The following SLC35F1 variants were observed in gnomAD, a reference collection of about 807,000 sequenced individuals.
SLC35F1 encodes the protein solute carrier family 35 member F1.
A neutral mutation model predicts 48.7 loss-of-function variants in SLC35F1; 14 were observed. The ratio of observed to expected loss-of-function variants is 0.29; its 90% confidence interval spans 0.19 to 0.45. The LOEUF (loss-of-function observed/expected upper bound fraction) is 0.45, where lower values mean the gene tolerates loss of function less well. Ranked by LOEUF, SLC35F1 falls within the 20% of genes least tolerant of loss-of-function variation. The pLI is 1.00. For missense variants in SLC35F1, 404 were observed against 500.0 expected (o/e 0.81, Z 1.83); for synonymous variants, 190 against 202.2 (o/e 0.94, Z 0.51).
chr6:118,007,415 C>G (rs1375343993), intron 1 of SLC35F1, among the ~76,000 whole-genome samples: 3 of 152,122 alleles, frequency 2.0e-5, no homozygotes, highest in Non-Finnish European at 4.4e-5. Flanking sequence ...GGACATTGTG[C>G]TAGGCAATGG....
chr6:117,933,866 G>C (rs1029374893), intron 1 of SLC35F1, among the ~76,000 whole-genome samples: 3 of 152,034 alleles, frequency 2.0e-5, no homozygotes, highest in Admixed American at 1.3e-4. Flanking sequence ...AGAACGTAGA[G>C]CTCAGTGCTC....
rs1775705487 is a variant in SLC35F1, at chr6:117,907,619, C to A, written c.-108C>A. ...CCGCTTCGCAGGCAGCACCGCCTCC[C>A]GGGCCGCGGCCGCCCGGCCGGGTCC... On this transcript the variant is annotated 5_prime_UTR_variant, in exon 1 of 8. Transcript: ENST00000360388. 22 of 586,568 alleles carry A rather than the reference C, an allele frequency of 3.8e-5. No homozygotes were observed. The South Asian group carries it at 7.8e-4, about 21-fold the overall frequency. 36.3% of individuals were successfully genotyped at this position (586,568 alleles called of 1,614,324 possible). A position where few individuals can be genotyped will look rare whatever the true frequency, so the allele number is the denominator to read the frequency against.
chr6:117,923,742 T>C (rs1360171556), intron 1 of SLC35F1, among the ~76,000 whole-genome samples: 2 of 61,858 alleles, frequency 3.2e-5, no homozygotes, highest in Non-Finnish European at 7.2e-5. Flanking sequence ...TATATATACA[T>C]ATATGTACAT....
intron 1 of SLC35F1, among the ~76,000 whole-genome samples, chr6:118,069,551 C>A (rs1287456117): frequency 6.6e-6 from 1 of 152,112 alleles, no homozygotes; most frequent in Non-Finnish European, 1.5e-5. Flanking sequence ...TTTCTCAAAG[C>A]TCTTGCTTAC....
At chr6:117,948,942 A>T (rs2114825548) in intron 1 of SLC35F1, among the ~76,000 whole-genome samples, 2 of 152,274 alleles carry the variant, frequency 1.3e-5, no homozygotes, top group Non-Finnish European at 2.9e-5. Context: ...CTTAGTACAA[A>T]AGAGGAAGGA....
At chr6:118,212,831 A>G (rs1775024112) in intron 2 of SLC35F1, among the ~76,000 whole-genome samples, 1 of 152,060 alleles carries the variant, frequency 6.6e-6, no homozygotes, top group African/African-American at 2.4e-5. Context: ...CAGCAGCACT[A>G]TTATAAACTA....
intron 2 of SLC35F1, among the ~76,000 whole-genome samples, chr6:118,209,416 C>A (rs1169372357): frequency 2.0e-5 from 3 of 152,192 alleles, no homozygotes; most frequent in South Asian, 2.1e-4. Context: ...ATTGAAGTCA[C>A]ACTGTGGTTA....
At chr6:118,243,634 G>A (rs544098393) in intron 3 of SLC35F1, among the ~76,000 whole-genome samples, 2 of 152,304 alleles carry the variant, frequency 1.3e-5, no homozygotes, top group African/African-American at 4.8e-5. Context: ...TTTCATGTAA[G>A]TGTGGTCCCA....
In SLC35F1 at chr6:118,076,590, T is replaced by G. The variant is rs536997846; in HGVS notation, c.174-77855T>G. Among the ~76,000 whole-genome samples the G allele has an allele frequency of 4.6e-5, 7 of 152,188 alleles. No individual in the cohort carries two copies. The East Asian group carries it at 1.4e-3, about 29-fold the overall frequency. ...ACAACCAGATCCCATGAGAACTCTA[T>G]CACAAGAACAGCAAGGGGGAAGTTC... On this transcript the variant is annotated intron_variant, in intron 1 of 7. Transcript: ENST00000360388.
At chr6:118,098,943 C>T (rs1313245280) in intron 1 of SLC35F1, among the ~76,000 whole-genome samples, 2 of 152,092 alleles carry the variant, frequency 1.3e-5, no homozygotes, top group Non-Finnish European at 2.9e-5. Flanking sequence ...CTGTGTTTGG[C>T]CTATTTTATA....
Position 118,023,780 on chromosome 6 carries a change from C to A in SLC35F1, c.173+115881C>A, listed in dbSNP as rs532980834. On this transcript the variant is annotated intron_variant, in intron 1 of 7. Transcript: ENST00000360388. The stretch of plus-strand genomic sequence containing the variant: ...CTTCTGTTTTCTTATAAACCTGGAG[C>A]CTTCAGCTCCATTGTCTTTGAGTCT... Among the ~76,000 whole-genome samples, 40 of 152,292 alleles carry A rather than the reference C, an allele frequency of 2.6e-4. 1 individual carries two copies. In the South Asian group the frequency reaches 8.1e-3, roughly 31 times the overall value.
At chr6:117,945,092 T>G (rs1328934797) in intron 1 of SLC35F1, among the ~76,000 whole-genome samples, 1 of 152,242 alleles carries the variant, frequency 6.6e-6, no homozygotes, top group East Asian at 1.9e-4. Context: ...GTTACATATA[T>G]AAATATATAT....
intron 1 of SLC35F1, among the ~76,000 whole-genome samples, chr6:118,037,782 C>T (rs1243210793): frequency 6.6e-6 from 1 of 151,448 alleles, no homozygotes; most frequent in African/African-American, 2.4e-5. Context: ...GAAAACCAAA[C>T]ACTGCATATT....
intron 7 of SLC35F1, among the ~76,000 whole-genome samples, chr6:118,286,684 A>G (rs1400895026): frequency 6.6e-6 from 1 of 152,214 alleles, no homozygotes; most frequent in East Asian, 1.9e-4. Flanking sequence ...TTTAAGATGT[A>G]CAACATGATT....
chr6:118,103,856 T>C (rs758129428), intron 1 of SLC35F1, among the ~76,000 whole-genome samples: 32 of 152,176 alleles, frequency 2.1e-4, no homozygotes, highest in Admixed American at 1.8e-3. Flanking sequence ...TTTTCTGTCA[T>C]TCAGTTCTGT....
In SLC35F1 at chr6:118,068,167, G is replaced by A. The variant is rs572042279; in HGVS notation, c.174-86278G>A. ...GCCCTCAGTGTATTGGATGGTGCCC[G>A]CCCACAGTGAGGGCAGATCTTCCCC... is the stretch of plus-strand genomic sequence containing the variant. On this transcript the variant is annotated intron_variant, in intron 1 of 7. Coordinates refer to ENST00000360388, the MANE Select transcript of SLC35F1 (RefSeq NM_001029858.4). Among the ~76,000 whole-genome samples the A allele has an allele frequency of 2.2e-4, 34 of 152,070 alleles. No individual in the cohort carries two copies. In the East Asian group the frequency reaches 5.6e-3, roughly 25 times the overall value.
chr6:118,102,113 G>C (rs186287107), intron 1 of SLC35F1, among the ~76,000 whole-genome samples: 1 of 152,124 alleles, frequency 6.6e-6, no homozygotes, highest in African/African-American at 2.4e-5. Flanking sequence ...CCCTTTCATC[G>C]GGTCTAATGC....
At chr6:118,164,108 G>C (rs1159825663) in intron 2 of SLC35F1, among the ~76,000 whole-genome samples, 3 of 152,172 alleles carry the variant, frequency 2.0e-5, no homozygotes, top group African/African-American at 7.2e-5. Context: ...AGGACTCGAA[G>C]AAGCATCATC....
chr6:118,194,901 T>C (rs1452902448), intron 2 of SLC35F1, among the ~76,000 whole-genome samples: 3 of 152,186 alleles, frequency 2.0e-5, no homozygotes, highest in East Asian at 1.9e-4. Context: ...CTTTTTTTTT[T>C]CCCCTCTCTG....
Sources: allele counts gnomAD v4.1 joint callset (sites outside exome capture counted in the v4.1 genomes callset), GRCh38; gene constraint gnomAD v4.1.1; transcripts MANE v1.5; gene names NCBI Gene and HGNC (gene_info 2026-07-23, HGNC 2026-07-21).